GPC6: variants seen among roughly 807,000 people sequenced by gnomAD.
The protein encoded by GPC6 is glypican-6.
GPC6 carries 14 observed loss-of-function variants against 55.2 expected under a neutral mutation model. That is an observed-to-expected ratio of 0.25 (90% confidence interval 0.17 to 0.40). The LOEUF (loss-of-function observed/expected upper bound fraction) is 0.40, where lower values mean the gene tolerates loss of function less well. Among genes scored for constraint, GPC6 ranks in the 10% least tolerant of loss-of-function variants. The pLI, the probability that GPC6 is intolerant of heterozygous loss-of-function variation, is 1.00. For missense variants in GPC6, 641 were observed against 708.5 expected (o/e 0.90, Z 1.08); for synonymous variants, 278 against 259.6 (o/e 1.07, Z -0.68).
chr13:93,935,256 GCCCCCTC>G (rs1423125271), intron 3 of GPC6, among the ~76,000 whole-genome samples: 1 of 151,890 alleles, frequency 6.6e-6, no homozygotes, highest in Admixed American at 6.6e-5. Context: ...TCAACCCTTG[GCCCCCTC>G]CCATCCTCCC....
At position 93,707,920 on chromosome 13, in the gene GPC6, C is replaced by T. The variant is rs140114808; in HGVS notation, c.320-122234C>T. ...ACAATTAGAAGTTTATAGCCAGTAA[C>T]GAAATCAACAAAGGGAAATAATATA... On this transcript the variant is annotated intron_variant, in intron 2 of 8. Coordinates refer to ENST00000377047, the MANE Select transcript of GPC6 (RefSeq NM_005708.5). 3.4e-3 allele frequency among the ~76,000 whole-genome samples: 512 copies of T among 151,516 alleles called. 2 individuals are homozygous for T. The highest frequency in any genetic ancestry group is 0.012 in the African/African-American group (490 of 41,358).
chr13:94,067,889 A>C (rs950443441), intron 4 of GPC6, among the ~76,000 whole-genome samples: 2 of 152,180 alleles, frequency 1.3e-5, no homozygotes, highest in Non-Finnish European at 2.9e-5. Flanking sequence ...AATATGCTTA[A>C]ATGTAGAGAA....
chr13:94,077,034 C>T (rs531871808), intron 4 of GPC6, among the ~76,000 whole-genome samples: 151 of 143,074 alleles, frequency 1.1e-3, no homozygotes, highest in Non-Finnish European at 1.8e-3. Flanking sequence ...GGGATTTTAA[C>T]GGGGATAACG....
chr13:93,462,410 C>G (rs1878725720), intron 1 of GPC6, among the ~76,000 whole-genome samples: 1 of 152,048 alleles, frequency 6.6e-6, no homozygotes, highest in South Asian at 2.1e-4. Flanking sequence ...ATCTCACAGA[C>G]CTCCAGAAGC....
intron 4 of GPC6, among the ~76,000 whole-genome samples, chr13:94,285,897 G>T (rs1160948449): frequency 6.6e-6 from 1 of 152,186 alleles, no homozygotes; most frequent in Non-Finnish European, 1.5e-5. Context: ...GAGAGATCCA[G>T]AAATGCTTCA....
chr13:94,345,191 A>G (rs1248393419), intron 6 of GPC6, among the ~76,000 whole-genome samples: 2 of 152,214 alleles, frequency 1.3e-5, no homozygotes, highest in African/African-American at 4.8e-5. Flanking sequence ...AATTATTTCA[A>G]ATTTGTCAGA....
chr13:94,078,942 A>T (rs937477980), intron 4 of GPC6, among the ~76,000 whole-genome samples: 4 of 152,034 alleles, frequency 2.6e-5, no homozygotes, highest in African/African-American at 4.8e-5. Context: ...AAACACTACA[A>T]GAAAAAAAAA....
chr13:93,774,872 A>G (rs1367927347), intron 2 of GPC6, among the ~76,000 whole-genome samples: 1 of 152,166 alleles, frequency 6.6e-6, no homozygotes, highest in Non-Finnish European at 1.5e-5. Flanking sequence ...TGAAGCAGAC[A>G]GGGCATGAGG....
intron 3 of GPC6, among the ~76,000 whole-genome samples, chr13:93,918,231 A>G (rs193133232): frequency 6.6e-6 from 1 of 152,310 alleles, no homozygotes; most frequent in East Asian, 1.9e-4. Flanking sequence ...GTGTATTTTC[A>G]GCACCTAATA....
chr13:94,302,227 G>A (rs1875687663), intron 5 of GPC6, among the ~76,000 whole-genome samples: 1 of 152,218 alleles, frequency 6.6e-6, no homozygotes, highest in South Asian at 2.1e-4. Flanking sequence ...CATTTCTGGA[G>A]GCTGGGAAGT....
intron 6 of GPC6, among the ~76,000 whole-genome samples, chr13:94,335,475 T>TAAC (rs1484362002): frequency 6.6e-6 from 1 of 152,152 alleles, no homozygotes; most frequent in Non-Finnish European, 1.5e-5. Context: ...CCTTTACGAA[T>TAAC]AACACACATA....
At chr13:93,738,331 G>A (rs1310390338) in intron 2 of GPC6, among the ~76,000 whole-genome samples, 3 of 152,072 alleles carry the variant, frequency 2.0e-5, no homozygotes, top group African/African-American at 7.2e-5. Flanking sequence ...TCTGAATAGT[G>A]GTATCTGGTC....
chr13:93,680,824 C>T (rs905473029), intron 2 of GPC6, among the ~76,000 whole-genome samples: 4 of 152,064 alleles, frequency 2.6e-5, no homozygotes, highest in African/African-American at 9.7e-5. Flanking sequence ...CGTTTTTGGC[C>T]TCCCTTTTTG....
the GPC6 span, among the ~76,000 whole-genome samples, chr13:93,219,767 A>G: frequency 6.6e-6 from 1 of 152,184 alleles, no homozygotes; most frequent in Non-Finnish European, 1.5e-5. Flanking sequence ...ATCATCATAG[A>G]TAGCAAGGTT....
chr13:93,329,266 G>A (rs1879758534), intron 1 of GPC6, among the ~76,000 whole-genome samples: 1 of 152,022 alleles, frequency 6.6e-6, no homozygotes, highest in African/African-American at 2.4e-5. Context: ...TTCTGATTCT[G>A]ATCCTAACTA....
intron 2 of GPC6, among the ~76,000 whole-genome samples, chr13:93,824,996 C>T (rs552583423): frequency 1.3e-4 from 20 of 151,974 alleles, no homozygotes; most frequent in African/African-American, 4.6e-4. Flanking sequence ...CCATTTAAGA[C>T]ACAGCACCTC....
At chr13:93,239,377 C>T (rs1210382007) in intron 1 of GPC6, among the ~76,000 whole-genome samples, 1 of 151,610 alleles carries the variant, frequency 6.6e-6, no homozygotes, top group Non-Finnish European at 1.5e-5. Context: ...TAGAGATGTT[C>T]ATAGAACATC....
At chr13:94,352,404 T>A (rs1408356836) in intron 6 of GPC6, among the ~76,000 whole-genome samples, 1 of 151,368 alleles carries the variant, frequency 6.6e-6, no homozygotes, top group African/African-American at 2.5e-5. Context: ...AGGATATGAA[T>A]TACATCCCTG....
At chr13:94,229,588 T>TAA (rs1890659112) in intron 4 of GPC6, among the ~76,000 whole-genome samples, 1 of 152,168 alleles carries the variant, frequency 6.6e-6, no homozygotes, top group Non-Finnish European at 1.5e-5. Context: ...GTTGTGCAAG[T>TAA]ATTTAGGGTA....
Sources: allele counts gnomAD v4.1 joint callset (sites outside exome capture counted in the v4.1 genomes callset), GRCh38; gene constraint gnomAD v4.1.1; transcripts MANE v1.5; gene names NCBI Gene and HGNC (gene_info 2026-07-23, HGNC 2026-07-21).